SERGEF: variants seen among roughly 807,000 people sequenced by gnomAD.
SERGEF encodes the protein secretion-regulating guanine nucleotide exchange factor.
In SERGEF, 51 loss-of-function variants were observed where a neutral mutation model predicts 50.0. That is an observed-to-expected ratio of 1.02 (90% confidence interval 0.81 to 1.29). The LOEUF (loss-of-function observed/expected upper bound fraction) is 1.29. Ranked by LOEUF, SERGEF falls within the 50% of genes most tolerant of loss-of-function variation. The pLI is 0.00. For synonymous variants in SERGEF, 205 were observed against 212.4 expected, an observed-to-expected ratio of 0.97 and a Z score of 0.30; for missense variants, 521 against 557.0, an observed-to-expected ratio of 0.94 and a Z score of 0.65.
At chr11:18,000,362 C>T (rs530631901) in intron 5 of SERGEF, 135 bp downstream of exon 5, 2 of 600,228 alleles carry the variant, frequency 3.3e-6, no homozygotes, top group East Asian at 3.1e-5. Context: ...GGCAGTTAGA[C>T]AGCTTGGGCT....
intron 9 of SERGEF, among the ~76,000 whole-genome samples, chr11:17,940,356 A>G (rs1343628227): frequency 2.6e-5 from 4 of 152,184 alleles, no homozygotes. Context: ...GGCCCTGCTC[A>G]GCTATGCAGC....
At chr11:17,828,477 C>T (rs1850241324) in intron 10 of SERGEF, among the ~76,000 whole-genome samples, 1 of 152,224 alleles carries the variant, frequency 6.6e-6, no homozygotes, top group Admixed American at 6.5e-5. Flanking sequence ...GCACGGCTGT[C>T]GCCTGCTCAC....
At position 17,988,769 on chromosome 11, in the gene SERGEF, A is replaced by T; in HGVS notation, c.686-14T>A. On this transcript the variant is annotated splice_polypyrimidine_tract_variant and intron_variant, in intron 7 of 10. Transcript: ENST00000265965. ...CCTCTCCTGCATCTTAAACAAACAG[A>T]AGGGTAACAAAAGAGGTGAGGGAAC... 1.2e-6 allele frequency: 2 copies of T among 1,611,804 alleles called. No homozygotes were observed. The highest frequency in any genetic ancestry group is 1.7e-6 in the Non-Finnish European group (2 of 1,178,566).
At chr11:17,801,748 C>T (rs578228161) in intron 10 of SERGEF, among the ~76,000 whole-genome samples, 1 of 152,162 alleles carries the variant, frequency 6.6e-6, no homozygotes, top group African/African-American at 2.4e-5. Flanking sequence ...AACCTGAGAC[C>T]TGGGAAACCG....
intron 9 of SERGEF, among the ~76,000 whole-genome samples, chr11:17,914,338 A>G (rs775095834): frequency 1.3e-5 from 2 of 152,234 alleles, no homozygotes; most frequent in Non-Finnish European, 2.9e-5. Context: ...CTGATGCCTA[A>G]GCATTATCCT....
chr11:17,819,405 C>A (rs893783864), intron 10 of SERGEF, among the ~76,000 whole-genome samples: 2 of 152,102 alleles, frequency 1.3e-5, no homozygotes. Flanking sequence ...ATTCATTGAC[C>A]CTATTATATT....
intron 8 of SERGEF, among the ~76,000 whole-genome samples, chr11:17,974,769 ATTTAC>A (rs1177199330): frequency 4.6e-5 from 7 of 152,188 alleles, no homozygotes; most frequent in African/African-American, 1.7e-4. Flanking sequence ...AAATTCCACA[ATTTAC>A]TATTGTTTTC....
At chr11:17,846,547 A>T (rs1420705195) in intron 10 of SERGEF, 1 of 373,120 alleles carries the variant, frequency 2.7e-6, no homozygotes, top group East Asian at 7.3e-5. Flanking sequence ...AGTATTGAAC[A>T]AAACGGGGCA....
intron 8 of SERGEF, among the ~76,000 whole-genome samples, chr11:17,982,232 C>T (rs1212658915): frequency 6.6e-6 from 1 of 152,202 alleles, no homozygotes; most frequent in African/African-American, 2.4e-5. Flanking sequence ...GAACACTGTA[C>T]TGAGAGTCAT....
intron 10 of SERGEF, among the ~76,000 whole-genome samples, chr11:17,843,941 T>C (rs1233027367): frequency 6.6e-6 from 1 of 152,232 alleles, no homozygotes; most frequent in Non-Finnish European, 1.5e-5. Context: ...CACCTGGAAT[T>C]AATTACCTGG....
At chr11:17,856,665 A>C (rs891237155) in intron 10 of SERGEF, 5 of 152,232 alleles carry the variant, frequency 3.3e-5, no homozygotes, top group African/African-American at 1.2e-4. Flanking sequence ...TCTGTGAAAC[A>C]GGTATAATAA....
In SERGEF at chr11:17,988,665, G is replaced by A. The variant is rs775225714; in HGVS notation, c.776C>T (p.Ala259Val). Reference sequence around the variant, plus strand: ...GACCTTTTCATTCTGGAAACAATGTGCTTCTATTTTCTGGGGCACAGGAAG... The same window carrying A: ...GACCTTTTCATTCTGGAAACAATGTACTTCTATTTTCTGGGGCACAGGAAG... ...AFLPVPQKIE[A>V]HCFQNEKVTA... Residue 259 changes from alanine (A) to valine (V), a missense_variant, in exon 8 of 11, where the codon GCA becomes GTA. Physicochemically the swap from Ala to Val is moderately conservative, Grantham distance 64 (BLOSUM62 0). Coordinates refer to ENST00000265965, the MANE Select transcript of SERGEF (RefSeq NM_012139.4). 6.2e-7 allele frequency: 1 copy of A among 1,613,970 alleles called. No individual in the cohort carries two copies. The highest frequency in any genetic ancestry group is 8.5e-7 in the Non-Finnish European group (1 of 1,180,020).
At chr11:17,855,718 G>A (rs914743074) in intron 10 of SERGEF, 1 of 152,208 alleles carries the variant, frequency 6.6e-6, no homozygotes, top group Non-Finnish European at 1.5e-5. Flanking sequence ...ACTGTAGAAA[G>A]TGCAACTGCA....
rs3216312 is a variant in SERGEF at position 17,965,848 on chromosome 11, CA to C, written c.845-6213del. ...CATTCACTAGCTCCATAATCTTGAGCAAACTACTCAACAGCTCTAAGTCTTA... is the reference window on the plus strand; with the variant it reads ...CATTCACTAGCTCCATAATCTTGAGCAACTACTCAACAGCTCTAAGTCTTA... On this transcript the variant is annotated intron_variant, in intron 8 of 10. Transcript: ENST00000265965. Among the ~76,000 whole-genome samples, 30 of 152,328 alleles carry C rather than the reference CA, an allele frequency of 2.0e-4. 1 individual carries two copies. In the East Asian group the frequency reaches 5.8e-3, roughly 29 times the overall value.
chr11:17,815,585 A>G (rs1849958751), intron 10 of SERGEF, among the ~76,000 whole-genome samples: 1 of 150,950 alleles, frequency 6.6e-6, no homozygotes, highest in Non-Finnish European at 1.5e-5. Flanking sequence ...ACTGCACTCC[A>G]GCCTGGGTGA....
At chr11:17,850,357 T>C (rs1199804388) in intron 10 of SERGEF, among the ~76,000 whole-genome samples, 1 of 152,086 alleles carries the variant, frequency 6.6e-6, no homozygotes, top group Non-Finnish European at 1.5e-5. Context: ...AGTAACAACA[T>C]GGGGATAATC....
intron 9 of SERGEF, among the ~76,000 whole-genome samples, chr11:17,894,080 T>C (rs1851581215): frequency 2.6e-5 from 4 of 152,176 alleles, no homozygotes; most frequent in Admixed American, 6.5e-5. Context: ...AATTCCTTTG[T>C]CTGGTATTTA....
chr11:18,011,301 G>T (rs1476270799), intron 1 of SERGEF, among the ~76,000 whole-genome samples: 1 of 152,164 alleles, frequency 6.6e-6, no homozygotes, highest in African/African-American at 2.4e-5. Context: ...GTTAAATGAG[G>T]TCATAAGGGT....
intron 9 of SERGEF, among the ~76,000 whole-genome samples, chr11:17,932,448 C>A (rs192354476): frequency 1.8e-4 from 27 of 152,158 alleles, no homozygotes; most frequent in Non-Finnish European, 2.9e-4. Context: ...AATAAATGTT[C>A]CTGGGGTCAA....
Sources: allele counts gnomAD v4.1 joint callset (sites outside exome capture counted in the v4.1 genomes callset), GRCh38; gene constraint gnomAD v4.1.1; transcripts MANE v1.5; gene names NCBI Gene and HGNC (gene_info 2026-07-23, HGNC 2026-07-21).